The following RBFOX1 variants were observed in gnomAD, a reference collection of about 807,000 sequenced individuals.
The protein encoded by RBFOX1 is RNA binding fox-1 homolog 1.
RBFOX1 carries 8 observed loss-of-function variants against 57.7 expected under a neutral mutation model. That is an observed-to-expected ratio of 0.14 (90% CI 0.08 to 0.25). RBFOX1 has a LOEUF of 0.25. Among genes scored for constraint, RBFOX1 ranks in the 10% least tolerant of loss-of-function variants. RBFOX1 has a pLI of 1.00. For missense variants in RBFOX1, 611 were observed against 548.5 expected, an observed-to-expected ratio of 1.11 and a Z score of -1.14; for synonymous variants, 326 against 222.4, an observed-to-expected ratio of 1.47 and a Z score of -4.15.
chr16:7,021,193 C>G (rs550107439), intron 3 of RBFOX1, among the ~76,000 whole-genome samples: 1 of 152,090 alleles, frequency 6.6e-6, no homozygotes, highest in Non-Finnish European at 1.5e-5. Context: ...AAACTTGTCT[C>G]TTCTCAGTTA....
intron 3 of RBFOX1, among the ~76,000 whole-genome samples, chr16:6,731,959 G>A (rs2068724154): frequency 6.6e-6 from 1 of 152,124 alleles, no homozygotes; most frequent in Non-Finnish European, 1.5e-5. Flanking sequence ...GAAATTAGCT[G>A]AGCCTACTAA....
intron 4 of RBFOX1, among the ~76,000 whole-genome samples, chr16:7,406,281 C>G (rs979867790): frequency 6.6e-6 from 1 of 152,140 alleles, no homozygotes; most frequent in Non-Finnish European, 1.5e-5. Context: ...GTGCCAAATA[C>G]CTTGTTCATA....
At chr16:6,216,138 G>A (rs886667314) in intron 1 of RBFOX1, among the ~76,000 whole-genome samples, 1 of 152,156 alleles carries the variant, frequency 6.6e-6, no homozygotes, top group Non-Finnish European at 1.5e-5. Flanking sequence ...GGAGGGTGGG[G>A]AGTTGGAAGA....
chr16:6,941,008 C>T (rs930177099), intron 3 of RBFOX1, among the ~76,000 whole-genome samples: 1 of 151,840 alleles, frequency 6.6e-6, no homozygotes, highest in Non-Finnish European at 1.5e-5. Flanking sequence ...CACCCGGCCC[C>T]CCTTATCGTA....
chr16:5,897,279 C>G (rs979667813), intron 4 of RBFOX1, among the ~76,000 whole-genome samples: 1 of 152,002 alleles, frequency 6.6e-6, no homozygotes, highest in Non-Finnish European at 1.5e-5. Context: ...TCATGATCCA[C>G]CCGCCTCGGC....
chr16:7,495,010 C>G (rs66500043), intron 4 of RBFOX1, among the ~76,000 whole-genome samples: 24,415 of 151,868 alleles, frequency 0.16, 3,106 homozygotes, highest in East Asian at 0.52. Context: ...CTGTTGTTCC[C>G]TTATTTATGA....
chr16:7,006,626 T>G (rs933419770), intron 3 of RBFOX1, among the ~76,000 whole-genome samples: 1 of 152,022 alleles, frequency 6.6e-6, no homozygotes, highest in African/African-American at 2.4e-5. Context: ...GGTTTCGGGT[T>G]TTATAGAGAC....
At chr16:6,970,907 C>CTG (rs1359809362) in intron 3 of RBFOX1, among the ~76,000 whole-genome samples, 2 of 152,196 alleles carry the variant, frequency 1.3e-5, no homozygotes, top group Non-Finnish European at 2.9e-5. Context: ...GACCTTTGTG[C>CTG]TGTGCTGTTC....
At chr16:5,958,240 C>G (rs1420957533) in intron 4 of RBFOX1, among the ~76,000 whole-genome samples, 18 of 152,094 alleles carry the variant, frequency 1.2e-4, no homozygotes, top group Admixed American at 1.2e-3. Flanking sequence ...TTCTTGTGGC[C>G]CTGCTTTAAT....
intron 1 of RBFOX1, among the ~76,000 whole-genome samples, chr16:6,138,910 T>C (rs925916210): frequency 6.6e-6 from 1 of 152,086 alleles, no homozygotes; most frequent in Non-Finnish European, 1.5e-5. Context: ...TCACCTTCGC[T>C]ATATTTTATT....
At chr16:5,649,358 C>T (rs909194844) in intron 3 of RBFOX1, among the ~76,000 whole-genome samples, 10 of 152,134 alleles carry the variant, frequency 6.6e-5, no homozygotes, top group East Asian at 2.0e-4. Flanking sequence ...TTAGTACAGA[C>T]GGGGTTTCGC....
chr16:6,378,573 C>G (rs1415466398), intron 2 of RBFOX1, among the ~76,000 whole-genome samples: 2 of 152,132 alleles, frequency 1.3e-5, no homozygotes, highest in African/African-American at 4.8e-5. Context: ...CATGCCCACC[C>G]CCATTTCTAA....
chr16:6,754,711 T>C (rs187065424), intron 3 of RBFOX1, among the ~76,000 whole-genome samples: 3 of 152,100 alleles, frequency 2.0e-5, no homozygotes, highest in African/African-American at 4.8e-5. Flanking sequence ...TTGTTTTTTT[T>C]TTATTATTAT....
intron 3 of RBFOX1, among the ~76,000 whole-genome samples, chr16:6,945,002 C>G (rs1275753397): frequency 6.6e-6 from 1 of 152,060 alleles, no homozygotes; most frequent in Admixed American, 6.6e-5. Context: ...AGGGTCGTGA[C>G]TTTTAGCAGC....
rs551659421 is a variant in RBFOX1 at position 6,217,470 on chromosome 16, A to G, written c.-126-99525A>G. On this transcript the variant is annotated intron_variant, in intron 1 of 15. Transcript: ENST00000550418. ...TCGGGACCTTCCTGGGACTGAGCAC[A>G]CGTGTTGAGGGGAGTACCAGGGAAA... is the stretch of plus-strand genomic sequence containing the variant. Among the ~76,000 whole-genome samples, 28 of 152,224 alleles carry G rather than the reference A, an allele frequency of 1.8e-4. No homozygotes were observed. The South Asian group carries it at 5.4e-3, about 29-fold the overall frequency.
intron 4 of RBFOX1, among the ~76,000 whole-genome samples, chr16:7,516,401 G>A (rs1227452423): frequency 6.6e-6 from 1 of 152,134 alleles, no homozygotes; most frequent in Non-Finnish European, 1.5e-5. Flanking sequence ...TGGGAGCTGG[G>A]TTCAACTGTA....
downstream of RBFOX1, among the ~76,000 whole-genome samples, chr16:5,603,795 T>C (rs1424151519): frequency 1.3e-5 from 2 of 152,222 alleles, no homozygotes. Flanking sequence ...GGAATGAGAC[T>C]GAGAAACTTG....
At chr16:7,300,614 G>C (rs930498197) in intron 4 of RBFOX1, among the ~76,000 whole-genome samples, 1 of 57,836 alleles carries the variant, frequency 1.7e-5, no homozygotes, top group African/African-American at 6.0e-5. Flanking sequence ...CTTATAGAAA[G>C]TATTTTTTTT....
chr16:7,421,662 T>C (rs1308529663), intron 4 of RBFOX1, among the ~76,000 whole-genome samples: 1 of 152,238 alleles, frequency 6.6e-6, no homozygotes, highest in Admixed American at 6.5e-5. Flanking sequence ...ACTCAGTGCT[T>C]ACTGTCCCAT....
Sources: gnomAD v4.1 joint callset for allele counts (sites outside exome capture counted in the v4.1 genomes callset) on GRCh38, gnomAD v4.1.1 for gene constraint, MANE v1.5 for transcripts, NCBI Gene and HGNC (gene_info 2026-07-23, HGNC 2026-07-21) for gene names.